The following MSRB3 variants were observed in gnomAD, a reference collection of about 807,000 sequenced individuals.
MSRB3 encodes methionine-R-sulfoxide reductase B3.
In MSRB3, 13 loss-of-function variants were observed where a neutral mutation model predicts 21.0. The ratio of observed to expected loss-of-function variants is 0.62; its 90% confidence interval spans 0.40 to 0.98. The LOEUF (loss-of-function observed/expected upper bound fraction) is 0.98, where lower values mean the gene tolerates loss of function less well. Among genes scored for constraint, MSRB3 ranks in the 50% least tolerant of loss-of-function variants. MSRB3 has a pLI of 0.00. For synonymous variants in MSRB3, 87 were observed against 88.6 expected (o/e 0.98, Z 0.10); for missense variants, 199 against 230.3 (o/e 0.86, Z 0.88).
chr12:65,464,529 A>G lies in MSRB3; in HGVS notation c.*1207A>G, dbSNP rs1394267853. 6.6e-6 allele frequency: 1 copy of G among 152,244 alleles called. No individual in the cohort carries two copies. The allele number at this position is 152,244 out of a possible 1,614,324, so 9.4% of individuals were successfully genotyped here. On this transcript the variant is annotated 3_prime_UTR_variant, in exon 7 of 7. Coordinates refer to ENST00000308259, the MANE Select transcript of MSRB3 (RefSeq NM_001031679.3). ...GCCCCACTTGGTCTAAAATTCAAAA[A>G]GAAGAACGCCTGTCCATCGCCTTTT... is the stretch of plus-strand genomic sequence containing the variant.
At chr12:65,304,101 C>T (rs1457605718) in intron 1 of MSRB3, among the ~76,000 whole-genome samples, 2 of 152,030 alleles carry the variant, frequency 1.3e-5, no homozygotes, top group African/African-American at 4.8e-5. Context: ...GGTGATAGGA[C>T]AGAAAGGGGT....
intron 4 of MSRB3, among the ~76,000 whole-genome samples, chr12:65,337,229 C>G (rs1875827957): frequency 6.6e-6 from 1 of 150,924 alleles, no homozygotes; most frequent in Non-Finnish European, 1.5e-5. Flanking sequence ...GGCGACAGAA[C>G]GAGACTCCGT....
rs185870241 is a variant in MSRB3, at chr12:65,343,625, T to G, written c.263+15022T>G. ...AGCACTTTAAAGAAAATTGTCTCCT[T>G]TATTTTTTACAACTTAAATAGAAAA... On this transcript the variant is annotated intron_variant, in intron 4 of 6. Transcript: ENST00000308259. 1.7e-4 allele frequency among the ~76,000 whole-genome samples: 26 copies of G among 152,210 alleles called. No homozygotes were observed. The East Asian group carries it at 4.6e-3, about 27-fold the overall frequency.
intron 5 of MSRB3, among the ~76,000 whole-genome samples, chr12:65,374,321 A>G (rs1048912190): frequency 1.3e-5 from 2 of 152,198 alleles, no homozygotes; most frequent in Non-Finnish European, 2.9e-5. Context: ...TCATTCATTC[A>G]TCATATATTT....
intron 1 of MSRB3, among the ~76,000 whole-genome samples, chr12:65,288,674 A>T (rs146386819): frequency 6.6e-6 from 1 of 152,300 alleles, no homozygotes; most frequent in East Asian, 1.9e-4. Context: ...TACAGCTGGG[A>T]ATTGCTTATT....
chr12:65,437,648 A>G (rs1217924192), intron 5 of MSRB3, among the ~76,000 whole-genome samples: 7 of 151,870 alleles, frequency 4.6e-5, no homozygotes, highest in African/African-American at 7.2e-5. Context: ...AGAAAAAAAA[A>G]AGCCAGCTGT....
chr12:65,341,368 A>G (rs1876127512), intron 4 of MSRB3, among the ~76,000 whole-genome samples: 1 of 147,466 alleles, frequency 6.8e-6, no homozygotes, highest in Non-Finnish European at 1.5e-5. Context: ...AGTTGAACTC[A>G]TGGAGAGAGA....
At chr12:65,424,799 C>T (rs11561370) in intron 5 of MSRB3, among the ~76,000 whole-genome samples, 80,576 of 149,808 alleles carry the variant, frequency 0.54, 22,104 homozygotes, top group Non-Finnish European at 0.62. Context: ...TTGGATAGAA[C>T]GTTTTGTACA....
At chr12:65,393,857 G>T (rs1228603422) in intron 5 of MSRB3, among the ~76,000 whole-genome samples, 2 of 151,968 alleles carry the variant, frequency 1.3e-5, no homozygotes, top group Non-Finnish European at 2.9e-5. Flanking sequence ...GGTACTTCTA[G>T]ATTCTTTAAA....
At chr12:65,318,250 T>C (rs1874430605) in intron 2 of MSRB3, among the ~76,000 whole-genome samples, 1 of 152,150 alleles carries the variant, frequency 6.6e-6, no homozygotes. Context: ...TTTTGGAAAT[T>C]TGCAAAGCTG....
At position 65,466,407 on chromosome 12, in the gene MSRB3, A is replaced by G. The variant is rs1166555914; in HGVS notation, c.*3085A>G. ...ATATGGAGTGCAATGAACTGAGTCA[A>G]TATGGCAAGGTGTATGTGATCTGTG... On this transcript the variant is annotated 3_prime_UTR_variant, in exon 7 of 7. Transcript: ENST00000308259. The G allele has an allele frequency of 1.3e-5, 2 of 152,336 alleles. No individual in the cohort carries two copies. Among genetic ancestry groups the G allele is most frequent in the East Asian group, 1.9e-4 (1 of 5,190 alleles). 9.4% of individuals were successfully genotyped at this position (152,336 alleles called of 1,614,324 possible). A position where few individuals can be genotyped will look rare whatever the true frequency, so the allele number is the denominator to read the frequency against.
rs185256065 is a variant in MSRB3, at chr12:65,310,187, T to C, written c.76+1532T>C. The stretch of plus-strand genomic sequence containing the variant: ...GACATGAGGGGCTAATGAAGCTTAA[T>C]GTATAGAGGCCCCAACCACTCTTCT... On this transcript the variant is annotated intron_variant, in intron 2 of 6. Coordinates refer to ENST00000308259, the MANE Select transcript of MSRB3 (RefSeq NM_001031679.3). 8.2e-4 allele frequency among the ~76,000 whole-genome samples: 125 copies of C among 152,262 alleles called. 1 individual carries two copies. The highest frequency in any genetic ancestry group is 2.8e-3 in the African/African-American group (115 of 41,544).
chr12:65,427,078 C>G (rs889116948), intron 5 of MSRB3, among the ~76,000 whole-genome samples: 1 of 152,162 alleles, frequency 6.6e-6, no homozygotes, highest in African/African-American at 2.4e-5. Flanking sequence ...ATTGTGTTCT[C>G]TTGGTAGTGG....
intron 5 of MSRB3, among the ~76,000 whole-genome samples, chr12:65,445,105 A>G (rs1882553800): frequency 6.6e-6 from 1 of 152,124 alleles, no homozygotes; most frequent in African/African-American, 2.4e-5. Flanking sequence ...AGCATGATTC[A>G]GCTAGTCACA....
intron 5 of MSRB3, among the ~76,000 whole-genome samples, chr12:65,423,324 A>G (rs938704200): frequency 1.7e-4 from 26 of 152,026 alleles, no homozygotes; most frequent in African/African-American, 5.6e-4. Context: ...TGCCTTTCCA[A>G]TTTGGGTGTA....
chr12:65,334,299 T>C (rs1025267075), intron 4 of MSRB3, among the ~76,000 whole-genome samples: 2 of 152,328 alleles, frequency 1.3e-5, no homozygotes, highest in African/African-American at 4.8e-5. Flanking sequence ...ATATGTGAAC[T>C]CATTTAATCT....
intron 4 of MSRB3, among the ~76,000 whole-genome samples, chr12:65,329,713 A>G (rs1183263932): frequency 6.6e-6 from 1 of 152,168 alleles, no homozygotes; most frequent in African/African-American, 2.4e-5. Context: ...AGGGGAAATA[A>G]ATAAACAAGG....
At chr12:65,356,292 C>T (rs1277845089) in intron 4 of MSRB3, among the ~76,000 whole-genome samples, 6 of 151,802 alleles carry the variant, frequency 4.0e-5, no homozygotes. Context: ...TTAATAAGTT[C>T]ACCAAGAAAG....
intron 5 of MSRB3, among the ~76,000 whole-genome samples, chr12:65,424,416 TC>T (rs1231452732): frequency 6.6e-6 from 1 of 152,106 alleles, no homozygotes; most frequent in Non-Finnish European, 1.5e-5. Flanking sequence ...TTATTTGAGA[TC>T]TTTCTTCTTT....
Sources: gnomAD v4.1 joint callset for allele counts (sites outside exome capture counted in the v4.1 genomes callset) on GRCh38, gnomAD v4.1.1 for gene constraint, MANE v1.5 for transcripts, NCBI Gene and HGNC (gene_info 2026-07-23, HGNC 2026-07-21) for gene names.